Variants in MCM10 observed in about 807,000 individuals in gnomAD.
MCM10 encodes protein MCM10 homolog.
A neutral mutation model predicts 109.9 loss-of-function variants in MCM10; 91 were observed. The ratio of observed to expected loss-of-function variants is 0.83; its 90% CI spans 0.70 to 0.99. The LOEUF is 0.99. Ranked by LOEUF, MCM10 falls within the 50% of genes least tolerant of loss-of-function variation. The pLI, the probability that MCM10 is intolerant of heterozygous loss-of-function variation, is 0.00. For synonymous variants in MCM10, 380 were observed against 387.2 expected (o/e 0.98, Z 0.22); for missense variants, 1,077 against 1,061.2 (o/e 1.01, Z -0.21).
chr10:13,172,556 C>T lies in MCM10; in HGVS notation c.455-72C>T, dbSNP rs1834088386. The T allele has an allele frequency of 1.3e-6, 2 of 1,599,098 alleles. No individual in the cohort carries two copies. The highest frequency in any genetic ancestry group is 1.7e-6 in the Non-Finnish European group (2 of 1,167,280). ...TATCACATCATTTCTGCATCCAACT[C>T]CTGTCCAAACAGCCCTTTGAACCTC... On this transcript the variant is annotated intron_variant, in intron 4 of 19. Coordinates refer to ENST00000378714, the MANE Select transcript of MCM10 (RefSeq NM_018518.5). This position sits in a 1 kb window ranked among gnomAD's most constrained non-coding sequence, Gnocchi z 5.2.
chr10:13,199,165 G>A (rs916436938), intron 16 of MCM10, among the ~76,000 whole-genome samples: 2 of 152,160 alleles, frequency 1.3e-5, no homozygotes, highest in Admixed American at 6.5e-5. Context: ...CAAAGTGCTG[G>A]GATTACAGGC....
chr10:13,167,949 C>T (rs1834023308), intron 2 of MCM10, among the ~76,000 whole-genome samples: 1 of 152,114 alleles, frequency 6.6e-6, no homozygotes, highest in Non-Finnish European at 1.5e-5. Flanking sequence ...AACAAAGAGG[C>T]TGGGAGATTG....
Position 13,182,886 on chromosome 10 carries a change from G to T in MCM10, c.931-47G>T, listed in dbSNP as rs3765520. 0.31 allele frequency: 444,128 copies of T among 1,442,074 alleles called. 69,763 individuals are homozygous for T. The highest frequency in any genetic ancestry group is 0.42 in the East Asian group (18,529 of 43,624). 89.3% of individuals were successfully genotyped at this position (1,442,074 alleles called of 1,614,324 possible). On this transcript the variant is annotated intron_variant, in intron 7 of 19. Coordinates refer to ENST00000378714, the MANE Select transcript of MCM10 (RefSeq NM_018518.5). This position sits in a 1 kb window ranked among gnomAD's most constrained non-coding sequence, Gnocchi z 4.2. ...AAACTCTTGAATCATAAATGAGGAC[G>T]GCATAACCTACAGTTCAAAATTATA...
At position 13,188,966 on chromosome 10, in the gene MCM10, C is replaced by G; in HGVS notation, c.1301C>G (p.Ser434Cys). Reference sequence around the variant, plus strand: ...CGTGCGGATCTGCAGTCCACCTTCTCTGGAGGACGAATTCCAAAGAAGTTT... The same window carrying G: ...CGTGCGGATCTGCAGTCCACCTTCTGTGGAGGACGAATTCCAAAGAAGTTT... ...AKRADLQSTF[S>C]GGRIPKKFAR... Residue 434 changes from serine to cysteine, a missense_variant, in exon 10 of 20, where the codon TCT becomes TGT. By Grantham distance (112) the Ser-to-Cys change is moderately radical (BLOSUM62 -1). Coordinates refer to ENST00000378714, the MANE Select transcript of MCM10 (RefSeq NM_018518.5). The G allele has an allele frequency of 6.2e-7, 1 of 1,614,208 alleles. No homozygotes were observed.
chr10:13,190,488 C>G lies in MCM10; in HGVS notation c.1416-811C>G, dbSNP rs185428834. On this transcript the variant is annotated intron_variant, in intron 10 of 19. Coordinates refer to ENST00000378714, the MANE Select transcript of MCM10 (RefSeq NM_018518.5). ...TGCTTAAGCCCAGGAATTTGAGACC[C>G]GCCTGAGCGACATGGCAAAACCCCA... Among the ~76,000 whole-genome samples the G allele has an allele frequency of 3.2e-3, 485 of 151,532 alleles. 3 individuals carry two copies. Among genetic ancestry groups the G allele is most frequent in the African/African-American group, 0.011 (464 of 41,254 alleles).
Position 13,209,278 on chromosome 10 carries a change from G to A in MCM10, c.2593G>A (p.Glu865Lys), listed in dbSNP as rs777969188. The A allele has an allele frequency of 1.2e-4, 201 of 1,613,876 alleles. No homozygotes were observed. The highest frequency in any genetic ancestry group is 1.6e-4 in the Non-Finnish European group (191 of 1,179,966). The part of the protein sequence containing the change: ...GGETLLPRGE[E>K]HAKFLNSLK ...AGAAACTCTGTTACCAAGAGGAGAA[G>A]AACATGCTAAATTTCTGAACAGCCT... Residue 865 changes from glutamate (E) to lysine (K), a missense_variant, in exon 20 of 20, where the codon GAA becomes AAA. Transcript: ENST00000378714.
chr10:13,171,544 G>T (rs1834073152), intron 3 of MCM10, among the ~76,000 whole-genome samples: 1 of 152,130 alleles, frequency 6.6e-6, no homozygotes, highest in African/African-American at 2.4e-5. Flanking sequence ...TAGCACTTTG[G>T]GATGTATGTG....
At chr10:13,193,890 AAC>A (rs1176524363) in intron 13 of MCM10, among the ~76,000 whole-genome samples, 1 of 152,132 alleles carries the variant, frequency 6.6e-6, no homozygotes, top group Non-Finnish European at 1.5e-5. Context: ...GCAGTTTGCA[AAC>A]ACAGCCTAGA....
chr10:13,186,311 GC>G, intron 9 of MCM10, 31 bp downstream of exon 9: 1 of 1,443,428 alleles, frequency 6.9e-7, no homozygotes, highest in East Asian at 2.3e-5. Flanking sequence ...GATGGTTTCT[GC>G]TAAAGAAAAG....
At chr10:13,195,613 T>TATTC (rs1236620255) in intron 14 of MCM10, 1 of 112,236 alleles carries the variant, frequency 8.9e-6, no homozygotes, top group African/African-American at 3.0e-5. Context: ...TTTATTTATT[T>TATTC]ATTTATTTAT....
At chr10:13,209,179 G>A in intron 19 of MCM10, 46 bp downstream of exon 19, 3 of 1,602,652 alleles carry the variant, frequency 1.9e-6, no homozygotes, top group Non-Finnish European at 2.6e-6. Flanking sequence ...AGTGACCCAT[G>A]CTAATAATGT....
At chr10:13,179,596 A>G (rs1334635285) in intron 6 of MCM10, among the ~76,000 whole-genome samples, 4 of 152,186 alleles carry the variant, frequency 2.6e-5, no homozygotes, top group South Asian at 2.1e-4. Flanking sequence ...CTCGTCTGCA[A>G]ATATATAACG....
chr10:13,208,052 C>T (rs1250656469), intron 18 of MCM10, among the ~76,000 whole-genome samples: 1 of 152,160 alleles, frequency 6.6e-6, no homozygotes, highest in African/African-American at 2.4e-5. Context: ...GTGTTCACAT[C>T]CCTTCTCAGG....
intron 18 of MCM10, 159 bp downstream of exon 18, chr10:13,204,523 G>A (rs1003016989): frequency 7.0e-6 from 6 of 861,564 alleles, no homozygotes; most frequent in Non-Finnish European, 1.0e-5. Flanking sequence ...GAAATCCCTG[G>A]AAGGAAGGGA....
intron 12 of MCM10, 26 bp from the exon 13 acceptor site, chr10:13,192,425 C>A: frequency 1.2e-6 from 2 of 1,613,128 alleles, no homozygotes; most frequent in Non-Finnish European, 1.7e-6. Context: ...CCCAGGGCAC[C>A]CCCTCAGTCT....
intron 2 of MCM10, among the ~76,000 whole-genome samples, chr10:13,165,219 G>A (rs1833979634): frequency 6.6e-6 from 1 of 152,086 alleles, no homozygotes; most frequent in Admixed American, 6.5e-5. Context: ...ATAATAAAAT[G>A]GAACAATTAT....
chr10:13,182,015 T>G lies in MCM10; in HGVS notation c.931-918T>G, dbSNP rs530261614. On this transcript the variant is annotated intron_variant, in intron 7 of 19. Transcript: ENST00000378714. This position sits in a 1 kb window ranked among gnomAD's most constrained non-coding sequence, Gnocchi z 4.2. ...TTAAAAACAACCGTAAAAGTGGAGG[T>G]TTTTCACATTATAATCGGTCAGCAT... Among the ~76,000 whole-genome samples the G allele has an allele frequency of 1.3e-5, 2 of 151,518 alleles. No individual in the cohort carries two copies. The highest frequency in any genetic ancestry group is 2.1e-4 in the South Asian group (1 of 4,766).
At chr10:13,166,355 G>C (rs1258811766) in intron 2 of MCM10, among the ~76,000 whole-genome samples, 1 of 152,078 alleles carries the variant, frequency 6.6e-6, no homozygotes, top group Admixed American at 6.5e-5. Context: ...TAAGCCAAGG[G>C]CTGGGCGCTG....
chr10:13,196,449 A>G (rs1378587854), intron 14 of MCM10, among the ~76,000 whole-genome samples: 1 of 152,174 alleles, frequency 6.6e-6, no homozygotes, highest in African/African-American at 2.4e-5. Flanking sequence ...ACCATGGCAC[A>G]TGTCCATATT....
Sources: gnomAD v4.1 joint callset for allele counts (sites outside exome capture counted in the v4.1 genomes callset) on GRCh38, gnomAD v4.1.1 for gene constraint, Gnocchi (gnomAD v3.1) non-coding constraint, MANE v1.5 for transcripts, NCBI Gene and HGNC (gene_info 2026-07-23, HGNC 2026-07-21) for gene names.